Variants in SLC23A2 observed in about 807,000 individuals in gnomAD.
SLC23A2 encodes the protein Na(+)/L-ascorbic acid transporter 2.
SLC23A2 carries 36 observed loss-of-function variants against 73.3 expected under a neutral mutation model. That is an observed-to-expected ratio of 0.49 (90% CI 0.38 to 0.65). The LOEUF (loss-of-function observed/expected upper bound fraction) is 0.65. Ranked by LOEUF, SLC23A2 falls within the 30% of genes least tolerant of loss-of-function variation. The pLI is 0.00. For missense variants in SLC23A2, 507 were observed against 841.6 expected, an observed-to-expected ratio of 0.60 and a Z score of 4.92; for synonymous variants, 343 against 327.3, an observed-to-expected ratio of 1.05 and a Z score of -0.52.
At chr20:4,991,720 TCACACA>T (rs11471369) in intron 1 of SLC23A2, among the ~76,000 whole-genome samples, 43,478 of 139,238 alleles carry the variant, frequency 0.31, 6,882 homozygotes, top group Non-Finnish European at 0.36. Context: ...AGACTCCGTT[TCACACA>T]CACACACACA....
At chr20:4,987,774 G>A (rs2087855880) in intron 1 of SLC23A2, among the ~76,000 whole-genome samples, 1 of 151,838 alleles carries the variant, frequency 6.6e-6, no homozygotes, top group South Asian at 2.1e-4. Flanking sequence ...CGTGAACTCT[G>A]GAGGCGGAGC....
chr20:4,888,713 G>A (rs1297089053), intron 6 of SLC23A2, among the ~76,000 whole-genome samples: 1 of 152,104 alleles, frequency 6.6e-6, no homozygotes, highest in Non-Finnish European at 1.5e-5. Flanking sequence ...GTCATTTAAG[G>A]CACAGAGAAA....
intron 1 of SLC23A2, among the ~76,000 whole-genome samples, chr20:4,978,952 C>T (rs1385164806): frequency 6.6e-6 from 1 of 152,088 alleles, no homozygotes; most frequent in East Asian, 1.9e-4. Flanking sequence ...ATGCAAAAGT[C>T]TCCAATTTAA....
At chr20:4,972,660 C>T (rs2087581998) in intron 1 of SLC23A2, among the ~76,000 whole-genome samples, 1 of 151,986 alleles carries the variant, frequency 6.6e-6, no homozygotes. Flanking sequence ...AATCTTGGCT[C>T]ACTACAACCT....
At chr20:4,982,287 C>A (rs1408513772) in intron 1 of SLC23A2, among the ~76,000 whole-genome samples, 1 of 152,210 alleles carries the variant, frequency 6.6e-6, no homozygotes, top group Non-Finnish European at 1.5e-5. Context: ...GCCACCGTGC[C>A]CGGACGATGG....
rs1212376555 is a variant in SLC23A2, at chr20:4,971,742, G to C, written c.-281-823C>G. Among the ~76,000 whole-genome samples, 3 of 152,060 alleles carry C rather than the reference G, an allele frequency of 2.0e-5. No homozygotes were observed. The East Asian group carries it at 5.8e-4, about 29-fold the overall frequency. On this transcript the variant is annotated intron_variant, in intron 1 of 16. Coordinates refer to ENST00000338244, the MANE Select transcript of SLC23A2 (RefSeq NM_005116.6). Reference sequence around the variant, plus strand: ...GTCAAGGCTGCAGTGAGCCATGACTGTGCCACTGCAGTCCTACTTGGGCAA... The same window carrying C: ...GTCAAGGCTGCAGTGAGCCATGACTCTGCCACTGCAGTCCTACTTGGGCAA...
At chr20:5,000,138 A>G (rs2088093344) in intron 1 of SLC23A2, among the ~76,000 whole-genome samples, 1 of 152,022 alleles carries the variant, frequency 6.6e-6, no homozygotes, top group South Asian at 2.1e-4. Context: ...GCCAACCATA[A>G]CCCAGCACAG....
chr20:4,989,654 T>G (rs2087893504), intron 1 of SLC23A2, among the ~76,000 whole-genome samples: 1 of 151,262 alleles, frequency 6.6e-6, no homozygotes, highest in South Asian at 2.1e-4. Flanking sequence ...TCAGCCTGAG[T>G]GACAGAGCAA....
At chr20:4,944,712 C>T (rs2087091206) in intron 2 of SLC23A2, among the ~76,000 whole-genome samples, 1 of 152,180 alleles carries the variant, frequency 6.6e-6, no homozygotes, top group South Asian at 2.1e-4. Flanking sequence ...GATAAGGACA[C>T]TCAAAACCTC....
chr20:4,996,145 G>C (rs1268020725), intron 1 of SLC23A2, among the ~76,000 whole-genome samples: 1 of 152,130 alleles, frequency 6.6e-6, no homozygotes, highest in Non-Finnish European at 1.5e-5. Context: ...CACCATCACT[G>C]TTTCCTTGGC....
intron 16 of SLC23A2, among the ~76,000 whole-genome samples, chr20:4,858,191 C>T (rs1929814640): frequency 6.6e-6 from 1 of 152,146 alleles, no homozygotes; most frequent in Non-Finnish European, 1.5e-5. Flanking sequence ...AGGTCATGTA[C>T]CTGTTGTGCT....
chr20:4,904,648 C>A lies in SLC23A2; in HGVS notation c.208-2090G>T, dbSNP rs148280429. Among the ~76,000 whole-genome samples, 1,082 of 152,340 alleles carry A rather than the reference C, an allele frequency of 7.1e-3. 6 individuals carry two copies. Among genetic ancestry groups the A allele is most frequent in the Admixed American group, 0.01 (154 of 15,302 alleles). Reference sequence around the variant, plus strand: ...CTCAACAGCACCGCGTCAGCTACAGCCACACAGGTGGTGCTGCTGCTCACA... The same window carrying A: ...CTCAACAGCACCGCGTCAGCTACAGACACACAGGTGGTGCTGCTGCTCACA... On this transcript the variant is annotated intron_variant, in intron 4 of 16. Transcript: ENST00000338244.
chr20:5,008,531 C>CTGG (rs1268924398), intron 1 of SLC23A2, among the ~76,000 whole-genome samples: 7 of 152,108 alleles, frequency 4.6e-5, no homozygotes, highest in Admixed American at 3.9e-4. Flanking sequence ...CCTCGAATGA[C>CTGG]CCCAAATTCC....
chr20:4,947,762 G>A lies in SLC23A2; in HGVS notation c.-154-15046C>T, dbSNP rs116984197. ...GTGTTACCTTCCAAGCTAAGAGAACGAGACTCTGAAGAAAAGGCCAAAAGA... is the reference window on the plus strand; with the variant it reads ...GTGTTACCTTCCAAGCTAAGAGAACAAGACTCTGAAGAAAAGGCCAAAAGA... On this transcript the variant is annotated intron_variant, in intron 2 of 16. Transcript: ENST00000338244. The surrounding 1 kb of genome is among the most constrained non-coding windows in gnomAD (Gnocchi z 4.4). 0.022 allele frequency among the ~76,000 whole-genome samples: 3,281 copies of A among 152,280 alleles called. 53 individuals carry two copies. Among genetic ancestry groups the A allele is most frequent in the Non-Finnish European group, 0.032 (2,209 of 68,022 alleles).
chr20:4,883,047 GTTAAC>G lies in SLC23A2; in HGVS notation c.824+590_824+594del, dbSNP rs1475701926. Among the ~76,000 whole-genome samples, 4 of 150,886 alleles carry G rather than the reference GTTAAC, an allele frequency of 2.7e-5. No homozygotes were observed. Among genetic ancestry groups the G allele is most frequent in the Admixed American group, 2.0e-4 (3 of 15,240 alleles). ...CCCTGTGACTTCATTAACACAAAAT[GTTAAC>G]TTTACTTAAAGGGCAAGGGACATCT... is the stretch of plus-strand genomic sequence containing the variant. On this transcript the variant is annotated intron_variant, in intron 9 of 16. Transcript: ENST00000338244. The surrounding 1 kb of genome is among the most constrained non-coding windows in gnomAD (Gnocchi z 4.5).
rs780862086 is a variant in SLC23A2, at chr20:4,863,885, T to C, written c.1357-978A>G. The stretch of plus-strand genomic sequence containing the variant: ...CCCATTATAGGCTCTCATAGCACCA[T>C]GTAGGGCATATCTGCTACTCCTGAT... On this transcript the variant is annotated intron_variant, in intron 13 of 16. Coordinates refer to ENST00000338244, the MANE Select transcript of SLC23A2 (RefSeq NM_005116.6). The surrounding 1 kb of genome is among the most constrained non-coding windows in gnomAD (Gnocchi z 4.8). 6.6e-6 allele frequency among the ~76,000 whole-genome samples: 1 copy of C among 152,198 alleles called. No homozygotes were observed. The highest frequency in any genetic ancestry group is 1.9e-4 in the East Asian group (1 of 5,186).
At chr20:4,976,754 A>T (rs925743248) in intron 1 of SLC23A2, among the ~76,000 whole-genome samples, 3 of 151,916 alleles carry the variant, frequency 2.0e-5, no homozygotes, top group Admixed American at 1.3e-4. Flanking sequence ...GCAGCAGATC[A>T]TGAGGTCAAG....
chr20:4,966,139 T>C (rs992113897), intron 2 of SLC23A2, among the ~76,000 whole-genome samples: 1 of 152,046 alleles, frequency 6.6e-6, no homozygotes, highest in African/African-American at 2.4e-5. Context: ...AATATACATA[T>C]AGACTGGGGT....
chr20:4,873,830 C>T, intron 11 of SLC23A2, 106 bp downstream of exon 11: 3 of 1,138,804 alleles, frequency 2.6e-6, no homozygotes, highest in African/African-American at 1.6e-5. Context: ...AATGGCAAGG[C>T]CTTCAGGAGA....
Sources: allele counts gnomAD v4.1 joint callset (sites outside exome capture counted in the v4.1 genomes callset), GRCh38; gene constraint gnomAD v4.1.1; non-coding constraint Gnocchi (gnomAD v3.1); transcripts MANE v1.5; gene names NCBI Gene and HGNC (gene_info 2026-07-23, HGNC 2026-07-21).